Variants in HEMK2 observed in about 807,000 individuals in gnomAD.
HEMK2 encodes methyltransferase HEMK2.
chr21:28,654,594 C>T, the HEMK2 span, among the ~76,000 whole-genome samples: 3 of 151,792 alleles, frequency 2.0e-5, no homozygotes, highest in Non-Finnish European at 2.9e-5. Flanking sequence ...TCTACTGTCT[C>T]GAAAAAAATA....
the HEMK2 span, among the ~76,000 whole-genome samples, chr21:28,790,167 A>G: frequency 6.6e-6 from 1 of 152,226 alleles, no homozygotes; most frequent in African/African-American, 2.4e-5. Flanking sequence ...GAACTACATC[A>G]TAAAACATCT....
chr21:28,754,612 C>T, the HEMK2 span, among the ~76,000 whole-genome samples: 3 of 152,306 alleles, frequency 2.0e-5, 1 homozygote, highest in African/African-American at 7.2e-5. Context: ...AAGAAGTAAC[C>T]CTTCAGCTTA....
At chr21:28,706,667 T>C in the HEMK2 span, among the ~76,000 whole-genome samples, 1 of 152,306 alleles carries the variant, frequency 6.6e-6, no homozygotes, top group Non-Finnish European at 1.5e-5. Context: ...TTTCCCTTCA[T>C]GAACGTTATC....
the HEMK2 span, among the ~76,000 whole-genome samples, chr21:28,834,567 C>G: frequency 2.6e-5 from 4 of 152,092 alleles, no homozygotes; most frequent in Admixed American, 2.0e-4. Context: ...AGGAGAGGAG[C>G]AGGGGATAAA....
chr21:28,719,155 G>A, the HEMK2 span, among the ~76,000 whole-genome samples: 13 of 152,200 alleles, frequency 8.5e-5, no homozygotes, highest in Non-Finnish European at 1.9e-4. Flanking sequence ...AGCCCCTGTG[G>A]GAGCATTGCA....
chr21:28,788,360 T>G, the HEMK2 span, among the ~76,000 whole-genome samples: 1 of 151,576 alleles, frequency 6.6e-6, no homozygotes, highest in Non-Finnish European at 1.5e-5. Context: ...TAGAAATGAA[T>G]TAACAGCATT....
chr21:28,642,099 C>T, the HEMK2 span, among the ~76,000 whole-genome samples: 4 of 152,298 alleles, frequency 2.6e-5, no homozygotes, highest in Admixed American at 2.6e-4. Flanking sequence ...AGTGAGAACC[C>T]CTGACATATT....
the HEMK2 span, chr21:28,879,725 T>C: frequency 9.5e-6 from 5 of 527,768 alleles, no homozygotes; most frequent in African/African-American, 7.9e-5. Flanking sequence ...GGTCTTTTAA[T>C]AGGACTCAAT....
the HEMK2 span, among the ~76,000 whole-genome samples, chr21:28,702,869 T>C: frequency 1.3e-5 from 2 of 152,192 alleles, no homozygotes; most frequent in Non-Finnish European, 2.9e-5. Context: ...TGTATGTTCA[T>C]TGCAGCACTA....
At chr21:28,823,572 T>C in the HEMK2 span, among the ~76,000 whole-genome samples, 2 of 152,168 alleles carry the variant, frequency 1.3e-5, no homozygotes, top group Admixed American at 1.3e-4. Flanking sequence ...TAATCCGCAA[T>C]GTGGGGTTAT....
the HEMK2 span, among the ~76,000 whole-genome samples, chr21:28,588,982 C>CAA: frequency 0.024 from 2,604 of 107,226 alleles, 121 homozygotes; most frequent in African/African-American, 0.077. Context: ...GACACTGTCT[C>CAA]AAAAAAAAAA....
At chr21:28,678,362 C>T in the HEMK2 span, among the ~76,000 whole-genome samples, 7 of 152,040 alleles carry the variant, frequency 4.6e-5, no homozygotes, top group South Asian at 4.2e-4. Flanking sequence ...TAAAAACAAA[C>T]GAACAAAGCC....
the HEMK2 span, among the ~76,000 whole-genome samples, chr21:28,850,980 TA>T: frequency 3.3e-5 from 3 of 91,922 alleles, no homozygotes; most frequent in East Asian, 1.0e-3. Flanking sequence ...CCCAGATGCA[TA>T]TATACCACTT....
At chr21:28,718,822 T>C in the HEMK2 span, among the ~76,000 whole-genome samples, 1 of 152,164 alleles carries the variant, frequency 6.6e-6, no homozygotes, top group Admixed American at 6.5e-5. Context: ...GAGGTCCTAA[T>C]GAATTCAGAA....
the HEMK2 span, among the ~76,000 whole-genome samples, chr21:28,810,850 G>C: frequency 6.6e-6 from 1 of 152,126 alleles, no homozygotes; most frequent in East Asian, 1.9e-4. Flanking sequence ...AAGCATGTCT[G>C]CTCCCCAATG....
the HEMK2 span, among the ~76,000 whole-genome samples, chr21:28,765,148 A>G: frequency 0.44 from 66,155 of 151,968 alleles, 15,730 homozygotes; most frequent in African/African-American, 0.61. Flanking sequence ...AGAAAGAGTG[A>G]CCTCCAGCTA....
chr21:28,597,073 G>T, the HEMK2 span, among the ~76,000 whole-genome samples: 1 of 152,036 alleles, frequency 6.6e-6, no homozygotes, highest in African/African-American at 2.4e-5. Flanking sequence ...AGAGCATTCT[G>T]CTCTGATGAA....
the HEMK2 span, among the ~76,000 whole-genome samples, chr21:28,600,146 C>T: frequency 6.6e-6 from 1 of 152,232 alleles, no homozygotes; most frequent in Non-Finnish European, 1.5e-5. Context: ...CATTAGGCCC[C>T]AGTGGGGACT....
the HEMK2 span, among the ~76,000 whole-genome samples, chr21:28,836,856 G>A: frequency 6.6e-6 from 1 of 150,690 alleles, no homozygotes. Flanking sequence ...AAAGTAAGCA[G>A]GTGTAAATAT....
Sources: gnomAD v4.1 joint callset for allele counts (sites outside exome capture counted in the v4.1 genomes callset) on GRCh38, gnomAD v4.1.1 for gene constraint, MANE v1.5 for transcripts, NCBI Gene and HGNC (gene_info 2026-07-23, HGNC 2026-07-21) for gene names.